Variants in SLC43A1 observed in about 807,000 individuals in gnomAD.
SLC43A1 encodes solute carrier family 43 member 1, also known as large neutral amino acids transporter small subunit 3.
In SLC43A1, 31 loss-of-function variants were observed where a neutral mutation model predicts 59.5. The observed-to-expected ratio is 0.52, with a 90% CI of 0.39 to 0.70. The LOEUF is 0.70. SLC43A1 is among the 30% of genes least tolerant of loss of function. The pLI is 0.00. For synonymous variants in SLC43A1, 259 were observed against 290.9 expected (o/e 0.89, Z 1.12); for missense variants, 598 against 717.8 (o/e 0.83, Z 1.91).
rs200710955 is a variant in SLC43A1 at position 57,501,229 on chromosome 11, G to A, written c.255C>T (p.Phe85=). The A allele has an allele frequency of 2.2e-5, 35 of 1,612,476 alleles. No homozygotes were observed. The highest frequency in any genetic ancestry group is 2.8e-5 in the Non-Finnish European group (33 of 1,180,032). The change falls in exon 3 of 15, where the codon TTC becomes TTT. Residue 85 remains phenylalanine, a synonymous_variant. Transcript: ENST00000278426. The part of the protein sequence containing the change: ...MLNLGFTIGS[F]VLSATTLPLG... ...GTGGCAGGGTGGTGGCGCTGAGCAC[G>A]AAGGAACCAATGGTGAAGCCCAGGT...
At chr11:57,501,123 T>C in intron 3 of SLC43A1, 29 bp downstream of exon 3, 3 of 1,605,316 alleles carry the variant, frequency 1.9e-6, no homozygotes, top group Non-Finnish European at 2.6e-6. Flanking sequence ...GTCCCTGTCC[T>C]CCCGTTCCCC....
intron 9 of SLC43A1, 42 bp from the exon 10 acceptor site, chr11:57,491,668 G>T: frequency 6.2e-7 from 1 of 1,614,168 alleles, no homozygotes; most frequent in Non-Finnish European, 8.5e-7. Context: ...CTCAGCCAGG[G>T]TGACCCGCCT....
intron 13 of SLC43A1, among the ~76,000 whole-genome samples, chr11:57,487,747 A>G (rs934066969): frequency 1.3e-5 from 2 of 151,940 alleles, no homozygotes; most frequent in African/African-American, 2.4e-5. Flanking sequence ...GCAATTGTAC[A>G]TGGGACAGCC....
At chr11:57,491,889 G>A in intron 8 of SLC43A1, 27 bp from the exon 9 acceptor site, 1 of 1,611,358 alleles carries the variant, frequency 6.2e-7, no homozygotes, top group South Asian at 1.1e-5. Flanking sequence ...GGGCGCCCCT[G>A]AGCCCCAGAC....
intron 2 of SLC43A1, among the ~76,000 whole-genome samples, chr11:57,508,710 C>T (rs1028491594): frequency 6.6e-6 from 1 of 152,110 alleles, no homozygotes; most frequent in East Asian, 1.9e-4. Flanking sequence ...GGGAAGATCA[C>T]GTGAGTCCAG....
At chr11:57,492,964 C>T (rs550542972) in intron 8 of SLC43A1, among the ~76,000 whole-genome samples, 17 of 151,638 alleles carry the variant, frequency 1.1e-4, no homozygotes, top group Non-Finnish European at 2.4e-4. Flanking sequence ...TGCTTGAACC[C>T]GGGAGGCGGA....
In SLC43A1 at chr11:57,494,084, C is replaced by A; in HGVS notation, c.780G>T (p.Arg260Ser). 1 of 1,611,568 alleles carries A rather than the reference C, an allele frequency of 6.2e-7. No homozygotes were observed. The highest frequency in any genetic ancestry group is 8.5e-7 in the Non-Finnish European group (1 of 1,178,898). ...CCAGGCTGGGGGCCTTCTGGCTGAGCCTCTGGCCCATGGTGGTCACATGGG... is the reference window on the plus strand; with the variant it reads ...CCAGGCTGGGGGCCTTCTGGCTGAGACTCTGGCCCATGGTGGTCACATGGG... ...FYTHVTTMGQRLSQKAPSLED... is the reference protein window; with the variant it reads ...FYTHVTTMGQSLSQKAPSLED... Residue 260 changes from arginine (R) to serine (S), a missense_variant, in exon 8 of 15, where the codon AGG becomes AGT. Physicochemically the swap from Arg to Ser is moderately radical, Grantham distance 110. Transcript: ENST00000278426.
intron 7 of SLC43A1, 64 bp downstream of exon 7, chr11:57,495,967 G>T: frequency 6.4e-7 from 1 of 1,563,254 alleles, no homozygotes; most frequent in Non-Finnish European, 8.7e-7. Flanking sequence ...AGTTAATTCC[G>T]TCTATCATAT....
chr11:57,498,480 G>T (rs1239240956), intron 5 of SLC43A1, among the ~76,000 whole-genome samples: 2 of 152,078 alleles, frequency 1.3e-5, no homozygotes, highest in Non-Finnish European at 2.9e-5. Context: ...AAGAAACAGT[G>T]ATCTTGTCCA....
At position 57,485,102 on chromosome 11, in the gene SLC43A1, G is replaced by T. The variant is rs146065604; in HGVS notation, c.1674C>A (p.Thr558=). ...PLKVLSGSEV[T]A ...GTCCCTTGGTCTGAGAAGTCTATGCGGTCACCTCAGAGCCGCTAAGCACCT... is the reference window on the plus strand; with the variant it reads ...GTCCCTTGGTCTGAGAAGTCTATGCTGTCACCTCAGAGCCGCTAAGCACCT... Residue 558 remains threonine, a synonymous_variant, in exon 15 of 15, where the codon ACC becomes ACA. Coordinates refer to ENST00000278426, the MANE Select transcript of SLC43A1 (RefSeq NM_003627.6). The T allele has an allele frequency of 2.8e-5, 45 of 1,612,404 alleles. No homozygotes were observed. In the African/African-American group the frequency reaches 5.5e-4, roughly 20 times the overall value.
intron 11 of SLC43A1, among the ~76,000 whole-genome samples, chr11:57,490,277 C>G (rs1421147591): frequency 6.6e-6 from 1 of 151,326 alleles, no homozygotes; most frequent in Non-Finnish European, 1.5e-5. Flanking sequence ...CCACTGCACT[C>G]CAGCCTGGGC....
chr11:57,511,648 C>A (rs903006994), intron 2 of SLC43A1, among the ~76,000 whole-genome samples: 9 of 152,110 alleles, frequency 5.9e-5, no homozygotes, highest in Non-Finnish European at 4.4e-5. Flanking sequence ...CAACCCAAAT[C>A]TCCATCAACT....
chr11:57,499,312 A>G (rs921452423), intron 5 of SLC43A1, among the ~76,000 whole-genome samples: 1 of 140,386 alleles, frequency 7.1e-6, no homozygotes, highest in African/African-American at 2.7e-5. Flanking sequence ...CGACACTGCG[A>G]GACTCCGTCT....
At chr11:57,489,875 C>CGAA (rs1943850435) in intron 11 of SLC43A1, among the ~76,000 whole-genome samples, 1 of 152,228 alleles carries the variant, frequency 6.6e-6, no homozygotes, top group Non-Finnish European at 1.5e-5. Context: ...GACTGTCCAG[C>CGAA]GCTTCCTCTC....
chr11:57,496,248 A>C (rs1398308367), intron 6 of SLC43A1, 84 bp from the exon 7 acceptor site: 7 of 1,491,688 alleles, frequency 4.7e-6, no homozygotes, highest in Non-Finnish European at 6.3e-6. Context: ...CAGAGGCCTT[A>C]AAGAAGTTCT....
rs182580864 is a variant in SLC43A1, at chr11:57,504,009, C to T, written c.155-2680G>A. On this transcript the variant is annotated intron_variant, in intron 2 of 14. Transcript: ENST00000278426. The stretch of plus-strand genomic sequence containing the variant: ...GAGATCGAGACCATCCTGGCTAACA[C>T]GGTGAAACCCCATCTCTACTAAAAA... 1.4e-4 allele frequency among the ~76,000 whole-genome samples: 22 copies of T among 151,960 alleles called. No individual in the cohort carries two copies. The South Asian group carries it at 1.7e-3, about 12-fold the overall frequency.
chr11:57,485,975 G>A (rs1439406223), intron 14 of SLC43A1, among the ~76,000 whole-genome samples: 3 of 152,254 alleles, frequency 2.0e-5, no homozygotes, highest in African/African-American at 7.2e-5. Flanking sequence ...TGAGTTCAAT[G>A]TAAGGAAAAG....
rs376876605 is a variant in SLC43A1, at chr11:57,485,169, C to T, written c.1607G>A (p.Arg536Gln). ...LPSYLFYYRA[R>Q]LQQEYAANGM... ...ATTGGCGGCGTACTCCTGCTGGAGC[C>T]GGGCACGGTAATAGAAGAGGTAGGA... Residue 536 changes from arginine to glutamine, a missense_variant, in exon 15 of 15, where the codon CGG becomes CAG. Arg to Gln is a conservative substitution (Grantham distance 43, BLOSUM62 1). Transcript: ENST00000278426. 199 of 1,614,036 alleles carry T rather than the reference C, an allele frequency of 1.2e-4. No individual in the cohort carries two copies. The highest frequency in any genetic ancestry group is 1.6e-4 in the Non-Finnish European group (193 of 1,180,002).
intron 2 of SLC43A1, 60 bp from the exon 3 acceptor site, chr11:57,501,389 C>T: frequency 1.3e-6 from 2 of 1,563,080 alleles, no homozygotes; most frequent in African/African-American, 1.3e-5. Flanking sequence ...GCACAGGAGA[C>T]AGCAGCCCAC....
Sources: gnomAD v4.1 joint callset for allele counts (sites outside exome capture counted in the v4.1 genomes callset) on GRCh38, gnomAD v4.1.1 for gene constraint, MANE v1.5 for transcripts, NCBI Gene and HGNC (gene_info 2026-07-23, HGNC 2026-07-21) for gene names.